Variants in FAM9B observed in about 807,000 individuals in gnomAD.
FAM9B encodes family with sequence similarity 9 member B.
A neutral mutation model predicts 16.6 loss-of-function variants in FAM9B; 18 were observed. That is an observed-to-expected ratio of 1.09 (90% CI 0.75 to 1.61). FAM9B has a LOEUF of 1.61. FAM9B is among the 40% of genes most tolerant of loss of function. The probability of loss-of-function intolerance (pLI) is 0.00; values close to 1 mark genes in which losing one functional copy is unlikely to be tolerated. For missense variants in FAM9B, 155 were observed against 136.0 expected (o/e 1.14, Z -0.70); for synonymous variants, 43 against 42.6 (o/e 1.01, Z -0.03).
At chrX:9,028,670 G>A (rs973951811) in intron 6 of FAM9B, among the ~76,000 whole-genome samples, 1 of 111,277 alleles carries the variant, frequency 9.0e-6, no homozygotes, top group East Asian at 2.8e-4. Flanking sequence ...CATGGTTTCC[G>A]AGCTAGCAAT....
Position 9,032,150 on chromosome X carries a change from T to C in FAM9B, c.161A>G (p.Lys54Arg). ...CATACCTGCAGTATCTTCTGGCTTCTTGGTATTAGCCCTGTAAAAAAAGTT... is the reference window on the plus strand; with the variant it reads ...CATACCTGCAGTATCTTCTGGCTTCCTGGTATTAGCCCTGTAAAAAAAGTT... ...ETDEHTGANT[K>R]KPEDTAEDLT... Residue 54 changes from lysine (K) to arginine (R), a missense_variant, in exon 4 of 9, where the codon AAG (lysine) becomes AGG (arginine). Coordinates refer to ENST00000327220, the MANE Select transcript of FAM9B (RefSeq NM_205849.3). 8.3e-7 allele frequency: 1 copy of C among 1,206,996 alleles called. No individual in the cohort carries two copies. Among genetic ancestry groups the C allele is most frequent in the Admixed American group, 2.2e-5 (1 of 44,860 alleles).
intron 7 of FAM9B, among the ~76,000 whole-genome samples, chrX:9,026,114 A>C (rs910273622): frequency 1.8e-4 from 20 of 111,859 alleles, no homozygotes; most frequent in African/African-American, 6.2e-4. Flanking sequence ...AAGATGTAAA[A>C]AATGAATACA....
At position 9,025,147 on chromosome X, in the gene FAM9B, A is replaced by G. The variant is rs1036087725; in HGVS notation, c.*262T>C. ...AACTATGCAATCCCTGCTTTCTCAC[A>G]GAAGTGTCTAGGATTCATTCAACAG... On this transcript the variant is annotated 3_prime_UTR_variant, in exon 9 of 9. Coordinates refer to ENST00000327220, the MANE Select transcript of FAM9B (RefSeq NM_205849.3). 1 of 126,788 alleles carries G rather than the reference A, an allele frequency of 7.9e-6. No individual in the cohort carries two copies. The highest frequency in any genetic ancestry group is 3.2e-5 in the African/African-American group (1 of 31,620). The allele number at this position is 126,788 out of a possible 1,213,427, so 10.4% of individuals were successfully genotyped here.
At chrX:9,032,908 C>A in intron 2 of FAM9B, 51 bp downstream of exon 2, 1 of 1,198,411 alleles carries the variant, frequency 8.3e-7, no homozygotes, top group Non-Finnish European at 1.1e-6. Flanking sequence ...AGCAGACAGA[C>A]CGTCCTCTTG....
intron 2 of FAM9B, 108 bp downstream of exon 2, chrX:9,032,851 C>T (rs5933708): frequency 2.8e-6 from 3 of 1,079,385 alleles, no homozygotes; most frequent in Non-Finnish European, 3.7e-6. Context: ...TCCAGAGCCA[C>T]GAAGGGGCCT....
chrX:9,033,700 A>AC, intron 1 of FAM9B, 152 bp downstream of exon 1: 1 of 101,852 alleles, frequency 9.8e-6, no homozygotes, highest in Non-Finnish European at 1.2e-5. Context: ...AGCCCACCCT[A>AC]GCCCACCCTC....
At position 9,032,356 on chromosome X, in the gene FAM9B, G is replaced by T. The variant is rs369906919; in HGVS notation, c.134C>A (p.Thr45Lys). Residue 45 changes from threonine to lysine, a missense_variant, in exon 3 of 9, where the codon ACA (threonine) becomes AAA (lysine). Transcript: ENST00000327220. ...AACACTTTACCCCGTGTGTTCATCT[G>T]TTTCAGCAAAAGGTTCTCTTTCCCC... The part of the protein sequence containing the change: ...EHGEREPFAE[T>K]DEHTGANTKK... 8.3e-6 allele frequency: 10 copies of T among 1,209,877 alleles called. 1 individual carries two copies. In the African/African-American group the frequency reaches 8.7e-5, roughly 11 times the overall value.
Position 9,033,932 on chromosome X carries a change from C to G in FAM9B, c.-170G>C. 2.7e-6 allele frequency: 2 copies of G among 752,280 alleles called. No homozygotes were observed. Among genetic ancestry groups the G allele is most frequent in the Non-Finnish European group, 3.1e-6 (2 of 637,971 alleles). The allele number at this position is 752,280 out of a possible 1,213,427, so 62.0% of individuals were successfully genotyped here. A position where few individuals can be genotyped will look rare whatever the true frequency, so the allele number is the denominator to read the frequency against. On this transcript the variant is annotated 5_prime_UTR_variant, in exon 1 of 9. Coordinates refer to ENST00000327220, the MANE Select transcript of FAM9B (RefSeq NM_205849.3). ...GGACCTCTTAGAAAACGGGTCCTCT[C>G]AGGAAGCTGAGGCAGGAGAATTGCT...
At position 9,033,018 on chromosome X, in the gene FAM9B, C is replaced by T; in HGVS notation, c.-32G>A. ...AGCCTCCAACTGGGCCTTGGCAGCC[C>T]TCCTGCCCACAGGATCCGTGGCTGG... On this transcript the variant is annotated 5_prime_UTR_variant, in exon 2 of 9. Coordinates refer to ENST00000327220, the MANE Select transcript of FAM9B (RefSeq NM_205849.3). 2 of 1,212,109 alleles carry T rather than the reference C, an allele frequency of 1.7e-6. No homozygotes were observed. The highest frequency in any genetic ancestry group is 2.3e-4 in the Middle Eastern group (1 of 4,355).
rs1920954180 is a variant in FAM9B at position 9,024,406 on chromosome X, G to T, written c.*1003C>A. The T allele has an allele frequency of 8.9e-6, 1 of 111,922 alleles. No homozygotes were observed. The highest frequency in any genetic ancestry group is 3.7e-4 in the South Asian group (1 of 2,693). The allele number at this position is 111,922 out of a possible 1,213,427, so 9.2% of individuals were successfully genotyped here. ...ATTCTAAGGGGAGGTATCATTGAAT[G>T]ATGGACCAAAACAAACTAAATAGCA... On this transcript the variant is annotated 3_prime_UTR_variant, in exon 9 of 9. Transcript: ENST00000327220.
rs748829619 is a variant in FAM9B at position 9,030,669 on chromosome X, A to G, written c.182-309T>C. On this transcript the variant is annotated intron_variant, in intron 4 of 8. Coordinates refer to ENST00000327220, the MANE Select transcript of FAM9B (RefSeq NM_205849.3). ...TTTTTAAATGTGCAGAAAGAGTTAT[A>G]AGCACAGACTTTAATTTCTACATTT... 5.5e-5 allele frequency: 9 copies of G among 164,713 alleles called. No homozygotes were observed. In the South Asian group the frequency reaches 1.7e-3, roughly 32 times the overall value. 13.6% of individuals were successfully genotyped at this position (164,713 alleles called of 1,213,427 possible).
intron 6 of FAM9B, among the ~76,000 whole-genome samples, chrX:9,028,855 A>G (rs1041959712): frequency 9.0e-6 from 1 of 111,246 alleles, no homozygotes; most frequent in Admixed American, 9.6e-5. Flanking sequence ...TCACTTCAGT[A>G]CTACAGCTCA....
chrX:9,032,550 T>C, intron 2 of FAM9B, 89 bp from the exon 3 acceptor site: 2 of 349,751 alleles, frequency 5.7e-6, no homozygotes, highest in Non-Finnish European at 9.5e-6. Flanking sequence ...TTGTAGACTT[T>C]TTTGGGGGGG....
rs184882154 is a variant in FAM9B at position 9,026,426 on chromosome X, G to A, written c.493-843C>T. Among the ~76,000 whole-genome samples, 257 of 111,240 alleles carry A rather than the reference G, an allele frequency of 2.3e-3. 2 individuals are homozygous for A. Among genetic ancestry groups the A allele is most frequent in the African/African-American group, 8.0e-3 (245 of 30,635 alleles). On this transcript the variant is annotated intron_variant, in intron 7 of 8. Transcript: ENST00000327220. ...CAAGCCTAAGAGGGGGTCATGTAAA[G>A]GGGAGAGTCTCTGAATATCTAAGAA...
chrX:9,025,438 T>C (rs1920959146), intron 8 of FAM9B, 46 bp downstream of exon 8: 2 of 863,907 alleles, frequency 2.3e-6, no homozygotes, highest in Non-Finnish European at 3.3e-6. Context: ...AATATTCCAG[T>C]GCTACATCAA....
rs201668923 is a variant in FAM9B, at chrX:9,025,391, A to T, written c.*32-14T>A. The T allele has an allele frequency of 2.2e-4, 134 of 609,059 alleles. 1 individual carries two copies. The East Asian group carries it at 5.2e-3, about 24-fold the overall frequency. The allele number at this position is 609,059 out of a possible 1,213,427, so 50.2% of individuals were successfully genotyped here. On this transcript the variant is annotated splice_polypyrimidine_tract_variant and intron_variant, in intron 8 of 8. Transcript: ENST00000327220. ...CTTTTCCAAAAGCTGTTTCAAAAAA[A>T]AATTTAAGTAACTGTAATACACATT...
At position 9,025,333 on chromosome X, in the gene FAM9B, CAG is replaced by C; in HGVS notation, c.*74_*75del. Reference sequence around the variant, plus strand: ...GTTCTTTCTTCAGTCATCAGAATAACAGAGGTTGAAGAGACAACTGGGTAAGT... The same window carrying C: ...GTTCTTTCTTCAGTCATCAGAATAACAGGTTGAAGAGACAACTGGGTAAGT... On this transcript the variant is annotated 3_prime_UTR_variant, in exon 9 of 9. Coordinates refer to ENST00000327220, the MANE Select transcript of FAM9B (RefSeq NM_205849.3). 2 of 377,568 alleles carry C rather than the reference CAG, an allele frequency of 5.3e-6. No homozygotes were observed. The highest frequency in any genetic ancestry group is 1.3e-4 in the South Asian group (2 of 15,580). 31.1% of individuals were successfully genotyped at this position (377,568 alleles called of 1,213,427 possible).
chrX:9,032,938 G>A lies in FAM9B; in HGVS notation c.28+21C>T, dbSNP rs752108331. 8 of 1,206,968 alleles carry A rather than the reference G, an allele frequency of 6.6e-6. No individual in the cohort carries two copies. In the African/African-American group the frequency reaches 1.0e-4, roughly 16 times the overall value. On this transcript the variant is annotated intron_variant, in intron 2 of 8. Transcript: ENST00000327220. Reference sequence around the variant, plus strand: ...CTCTTGGGCGTGCACCTTCTTCTGGGTCCCCTTGGGCTGTATTTACCTGCA... The same window carrying A: ...CTCTTGGGCGTGCACCTTCTTCTGGATCCCCTTGGGCTGTATTTACCTGCA...
chrX:9,025,878 G>A (rs1009470281), intron 7 of FAM9B, among the ~76,000 whole-genome samples: 6 of 110,948 alleles, frequency 5.4e-5, no homozygotes, highest in Admixed American at 2.9e-4. Context: ...AGAAAAAGAC[G>A]GGCAGGCTTA....
Sources: gnomAD v4.1 joint callset for allele counts (sites outside exome capture counted in the v4.1 genomes callset) on GRCh38, gnomAD v4.1.1 for gene constraint, MANE v1.5 for transcripts, NCBI Gene and HGNC (gene_info 2026-07-23, HGNC 2026-07-21) for gene names.